The following RUNX1 variants were observed in gnomAD, a reference collection of about 807,000 sequenced individuals.
RUNX1 encodes the protein RUNX family transcription factor 1.
Under a neutral mutation model 42.8 loss-of-function variants are expected in RUNX1, and 19 were observed. The ratio of observed to expected loss-of-function variants is 0.44; its 90% CI spans 0.31 to 0.65. The LOEUF (loss-of-function observed/expected upper bound fraction) is 0.65, where lower values mean the gene tolerates loss of function less well. Ranked by LOEUF, RUNX1 falls within the 30% of genes least tolerant of loss-of-function variation. RUNX1 has a pLI of 0.07. For missense variants in RUNX1, 528 were observed against 672.0 expected, an observed-to-expected ratio of 0.79 and a Z score of 2.37; for synonymous variants, 271 against 289.4, an observed-to-expected ratio of 0.94 and a Z score of 0.64.
Position 34,853,671 on chromosome 21 carries a change from T to C in RUNX1, c.613+5803A>G, listed in dbSNP as rs144407514. ...AAATAACACTATTTAATGTTAGCTA[T>C]TGCTATTATCGAGTATTTTTATGAT... On this transcript the variant is annotated intron_variant, in intron 6 of 8. Transcript: ENST00000675419. 3.3e-3 allele frequency among the ~76,000 whole-genome samples: 496 copies of C among 152,336 alleles called. 5 individuals are homozygous for C. Among genetic ancestry groups the C allele is most frequent in the African/African-American group, 0.011 (461 of 41,572 alleles).
At chr21:34,803,707 G>A (rs1454472098) in intron 7 of RUNX1, among the ~76,000 whole-genome samples, 1 of 152,100 alleles carries the variant, frequency 6.6e-6, no homozygotes, top group Non-Finnish European at 1.5e-5. Context: ...CATCAATAAT[G>A]GGTAAAACAG....
At chr21:34,881,796 G>A (rs536263625) in intron 4 of RUNX1, among the ~76,000 whole-genome samples, 54 of 152,246 alleles carry the variant, frequency 3.5e-4, no homozygotes, top group African/African-American at 1.3e-3. Context: ...TTGTACAATA[G>A]CATCAATTTC....
chr21:35,047,962 G>A (rs888542257), intron 2 of RUNX1, among the ~76,000 whole-genome samples: 9 of 152,214 alleles, frequency 5.9e-5, no homozygotes, highest in Non-Finnish European at 1.0e-4. Context: ...AGACGCACAT[G>A]CACACACATA....
chr21:34,836,872 G>T (rs1296703788), intron 6 of RUNX1, among the ~76,000 whole-genome samples: 2 of 152,178 alleles, frequency 1.3e-5, no homozygotes, highest in Non-Finnish European at 2.9e-5. Flanking sequence ...ACAGCTCTTG[G>T]CAGTTGTGTC....
At chr21:34,905,582 T>C (rs935213688) in intron 2 of RUNX1, among the ~76,000 whole-genome samples, 2 of 152,222 alleles carry the variant, frequency 1.3e-5, no homozygotes, top group Non-Finnish European at 2.9e-5. Flanking sequence ...AGAGAAAAAC[T>C]TCTTTAGCCA....
At chr21:35,046,922 C>A (rs1016655691) in intron 2 of RUNX1, among the ~76,000 whole-genome samples, 1 of 152,118 alleles carries the variant, frequency 6.6e-6, no homozygotes, top group Non-Finnish European at 1.5e-5. Context: ...AGCTAACCGA[C>A]CCTTGTTCCT....
At chr21:34,814,390 C>T (rs2056797575) in intron 7 of RUNX1, among the ~76,000 whole-genome samples, 1 of 152,152 alleles carries the variant, frequency 6.6e-6, no homozygotes, top group Admixed American at 6.5e-5. Flanking sequence ...CTGTGTGCGC[C>T]TTTTCTTCTA....
At chr21:34,861,014 C>A (rs2057566848) in intron 5 of RUNX1, among the ~76,000 whole-genome samples, 1 of 152,190 alleles carries the variant, frequency 6.6e-6, no homozygotes, top group South Asian at 2.1e-4. Context: ...TCTCAGCTGA[C>A]CTGTCCAATA....
chr21:34,881,466 G>A (rs768186153), intron 4 of RUNX1, among the ~76,000 whole-genome samples: 22 of 152,016 alleles, frequency 1.4e-4, no homozygotes, highest in Non-Finnish European at 2.5e-4. Context: ...TGCACCCTTC[G>A]TTTACTAATT....
intron 2 of RUNX1, among the ~76,000 whole-genome samples, chr21:34,995,163 C>G (rs567774825): frequency 1.3e-5 from 2 of 152,306 alleles, no homozygotes; most frequent in South Asian, 2.1e-4. Context: ...CTGGTGGCCA[C>G]GGAGGCCCCA....
intron 8 of RUNX1, among the ~76,000 whole-genome samples, chr21:34,796,637 A>T (rs981465212): frequency 1.3e-5 from 2 of 152,230 alleles, no homozygotes; most frequent in Non-Finnish European, 2.9e-5. Flanking sequence ...TTCGCTCTCC[A>T]GCTTGACATG....
rs926963694 is a variant in RUNX1, at chr21:34,858,296, A to G, written c.613+1178T>C. ...TACCTTAAAACCCCACCTAGAAACCACCATGCAGGGAAGGTCATCTAGAGG... is the reference window on the plus strand; with the variant it reads ...TACCTTAAAACCCCACCTAGAAACCGCCATGCAGGGAAGGTCATCTAGAGG... On this transcript the variant is annotated intron_variant, in intron 6 of 8. Transcript: ENST00000675419. Among the ~76,000 whole-genome samples the G allele has an allele frequency of 5.3e-5, 8 of 152,208 alleles. No homozygotes were observed. The East Asian group carries it at 1.2e-3, about 22-fold the overall frequency.
At position 34,901,961 on chromosome 21, in the gene RUNX1, CTTTA is replaced by C. The variant is rs1484756298; in HGVS notation, c.59-9002_59-8999del. On this transcript the variant is annotated intron_variant, in intron 2 of 8. Coordinates refer to ENST00000675419, the MANE Select transcript of RUNX1 (RefSeq NM_001754.5). This position sits in a 1 kb window ranked among gnomAD's most constrained non-coding sequence, Gnocchi z 4.3. ...GGAGTCTGCTTTCTTTTGTAATCTG[CTTTA>C]TTTGAGGCATTTTAGTTAATATATT... 6.6e-6 allele frequency among the ~76,000 whole-genome samples: 1 copy of C among 152,220 alleles called. No individual in the cohort carries two copies. Among genetic ancestry groups the C allele is most frequent in the Non-Finnish European group, 1.5e-5 (1 of 68,016 alleles).
chr21:34,831,558 A>G (rs2057064485), intron 7 of RUNX1, among the ~76,000 whole-genome samples: 1 of 152,124 alleles, frequency 6.6e-6, no homozygotes. Flanking sequence ...AGCTCGCCAA[A>G]CCCCCGGTTA....
chr21:35,043,112 C>T (rs906972015), intron 2 of RUNX1, among the ~76,000 whole-genome samples: 4 of 152,106 alleles, frequency 2.6e-5, no homozygotes, highest in African/African-American at 9.7e-5. Flanking sequence ...AGGTTTTGAG[C>T]CCTGTTTTGT....
rs374732985 is a variant in RUNX1 at position 34,859,456 on chromosome 21, C to G, written c.613+18G>C. ...TACCAGCCTGGAGGGTGTACCAGCC[C>G]CAAGTGGATGCACTTACTTCGAGGT... On this transcript the variant is annotated intron_variant, in intron 6 of 8. Transcript: ENST00000675419. 4.6e-5 allele frequency: 72 copies of G among 1,557,368 alleles called. No individual in the cohort carries two copies. The highest frequency in any genetic ancestry group is 8.9e-6 in the Non-Finnish European group (10 of 1,128,344).
chr21:34,984,671 A>C (rs1036098034), intron 2 of RUNX1, among the ~76,000 whole-genome samples: 1 of 152,220 alleles, frequency 6.6e-6, no homozygotes, highest in African/African-American at 2.4e-5. Flanking sequence ...AGAGGAGAGA[A>C]GTGCAGGAAG....
At chr21:34,905,149 C>T (rs1403272350) in intron 2 of RUNX1, among the ~76,000 whole-genome samples, 1 of 152,162 alleles carries the variant, frequency 6.6e-6, no homozygotes, top group African/African-American at 2.4e-5. Flanking sequence ...ACCCGCACGC[C>T]CCCTTCTCCC....
chr21:35,019,609 C>G (rs546439536), intron 2 of RUNX1, among the ~76,000 whole-genome samples: 1 of 152,136 alleles, frequency 6.6e-6, no homozygotes, highest in Non-Finnish European at 1.5e-5. Context: ...GAAAATGTGG[C>G]AAACCTCCTT....
Sources: allele counts gnomAD v4.1 joint callset (sites outside exome capture counted in the v4.1 genomes callset), GRCh38; gene constraint gnomAD v4.1.1; non-coding constraint Gnocchi (gnomAD v3.1); transcripts MANE v1.5; gene names NCBI Gene and HGNC (gene_info 2026-07-23, HGNC 2026-07-21).